Variants in ST8SIA2 observed in about 807,000 individuals in gnomAD.
ST8SIA2 encodes the protein ST8 alpha-N-acetyl-neuraminide alpha-2,8-sialyltransferase 2.
Under a neutral mutation model 37.6 loss-of-function variants are expected in ST8SIA2, and 22 were observed. The ratio of observed to expected loss-of-function variants is 0.58; its 90% CI spans 0.42 to 0.83. The LOEUF (loss-of-function observed/expected upper bound fraction) is 0.83, where lower values mean the gene tolerates loss of function less well. ST8SIA2 is among the 40% of genes least tolerant of loss of function. The probability of loss-of-function intolerance (pLI) is 0.00; values close to 1 mark genes in which losing one functional copy is unlikely to be tolerated. For synonymous variants in ST8SIA2, 205 were observed against 201.2 expected, an observed-to-expected ratio of 1.02 and a Z score of -0.16; for missense variants, 382 against 484.7, an observed-to-expected ratio of 0.79 and a Z score of 1.99.
At chr15:92,445,140 C>T in intron 5 of ST8SIA2, 2 of 685,732 alleles carry the variant, frequency 2.9e-6, no homozygotes, top group Non-Finnish European at 5.0e-6. Flanking sequence ...CAATTTTGAC[C>T]AATGGGTAGT....
At chr15:92,438,671 G>C in intron 4 of ST8SIA2, 61 bp downstream of exon 4, 1 of 1,507,564 alleles carries the variant, frequency 6.6e-7, no homozygotes, top group South Asian at 1.3e-5. Flanking sequence ...TTTCAGTGGA[G>C]CATTGCCAGC....
intron 1 of ST8SIA2, among the ~76,000 whole-genome samples, chr15:92,416,154 T>C (rs1402732736): frequency 2.3e-5 from 3 of 130,630 alleles, no homozygotes; most frequent in African/African-American, 8.8e-5. Context: ...GAGAGATTCA[T>C]GGCAGAGGGA....
At chr15:92,399,771 A>G (rs2049456981) in intron 1 of ST8SIA2, among the ~76,000 whole-genome samples, 1 of 152,246 alleles carries the variant, frequency 6.6e-6, no homozygotes, top group African/African-American at 2.4e-5. Context: ...ATACCATCTT[A>G]GAAACCAATT....
chr15:92,464,087 T>TC lies in ST8SIA2; in HGVS notation c.843-13_843-12insC. 1 of 1,512,454 alleles carries TC rather than the reference T, an allele frequency of 6.6e-7. No homozygotes were observed. The highest frequency in any genetic ancestry group is 8.8e-7 in the Non-Finnish European group (1 of 1,139,268). 93.7% of individuals were successfully genotyped at this position (1,512,454 alleles called of 1,614,324 possible). On this transcript the variant is annotated splice_polypyrimidine_tract_variant and intron_variant, in intron 5 of 5. Transcript: ENST00000268164. ...TGTTTCTTTTCTTTTTTTTTTTTTTTTTTTTTTTCCAGATACTGGCTGACC... is the reference window on the plus strand; with the variant it reads ...TGTTTCTTTTCTTTTTTTTTTTTTTTCTTTTTTTTCCAGATACTGGCTGACC...
At chr15:92,416,508 G>A (rs1247412932) in intron 1 of ST8SIA2, among the ~76,000 whole-genome samples, 1 of 152,142 alleles carries the variant, frequency 6.6e-6, no homozygotes, top group Non-Finnish European at 1.5e-5. Flanking sequence ...GCATCCTGAG[G>A]GGCTGGGAAA....
intron 4 of ST8SIA2, among the ~76,000 whole-genome samples, chr15:92,439,159 G>T (rs79465730): frequency 0.025 from 3,836 of 152,264 alleles, 171 homozygotes; most frequent in African/African-American, 0.085. Context: ...TGGTACAAAA[G>T]GTTGGTAAGA....
At chr15:92,408,710 TTTA>T (rs1375165369) in intron 1 of ST8SIA2, among the ~76,000 whole-genome samples, 3 of 148,988 alleles carry the variant, frequency 2.0e-5, no homozygotes, top group Non-Finnish European at 4.4e-5. Flanking sequence ...TATTTATTTA[TTTA>T]TTTATTTATT....
intron 1 of ST8SIA2, among the ~76,000 whole-genome samples, chr15:92,424,613 A>G (rs1222581828): frequency 6.8e-6 from 1 of 147,304 alleles, no homozygotes; most frequent in African/African-American, 2.5e-5. Flanking sequence ...AAAGTTTGAC[A>G]TTCTTTTTTT....
chr15:92,451,314 C>T (rs374793498), intron 5 of ST8SIA2, among the ~76,000 whole-genome samples: 4 of 152,140 alleles, frequency 2.6e-5, no homozygotes, highest in South Asian at 2.1e-4. Flanking sequence ...TAGAAGACCA[C>T]GGCAGGCAGC....
At chr15:92,449,556 C>T (rs192748240) in intron 5 of ST8SIA2, among the ~76,000 whole-genome samples, 2 of 152,302 alleles carry the variant, frequency 1.3e-5, no homozygotes, top group Admixed American at 1.3e-4. Context: ...AATAGTAGTT[C>T]TACTTTCCTT....
Position 92,438,570 on chromosome 15 carries a change from G to A in ST8SIA2, c.508G>A (p.Gly170Ser), listed in dbSNP as rs745475584. Residue 170 changes from glycine (G) to serine (S), a missense_variant, in exon 4 of 6, where the codon GGC becomes AGC. Gly to Ser is a moderately conservative substitution (Grantham distance 56). Transcript: ENST00000268164. ...CAACTCGGGGGTCTTGCTGAACAGCGGCTGTGGGCAGGAGATTGACGCCCA... is the reference window on the plus strand; with the variant it reads ...CAACTCGGGGGTCTTGCTGAACAGCAGCTGTGGGCAGGAGATTGACGCCCA... ...VGNSGVLLNSGCGQEIDAHSF... is the reference protein window; with the variant it reads ...VGNSGVLLNSSCGQEIDAHSF... 67 of 1,613,104 alleles carry A rather than the reference G, an allele frequency of 4.2e-5. No homozygotes were observed. The highest frequency in any genetic ancestry group is 6.7e-5 in the Admixed American group (4 of 59,954).
chr15:92,415,549 T>G (rs898876456), intron 1 of ST8SIA2, among the ~76,000 whole-genome samples: 2 of 151,184 alleles, frequency 1.3e-5, no homozygotes, highest in African/African-American at 4.9e-5. Flanking sequence ...TGTAGAAAAA[T>G]GTAGCATATA....
chr15:92,425,615 A>G (rs866267531), intron 1 of ST8SIA2, among the ~76,000 whole-genome samples: 1 of 152,210 alleles, frequency 6.6e-6, no homozygotes, highest in East Asian at 1.9e-4. Context: ...ACAAGGAGAT[A>G]CTGGGGTTGG....
At chr15:92,434,585 C>T (rs981963915) in intron 3 of ST8SIA2, among the ~76,000 whole-genome samples, 1 of 152,168 alleles carries the variant, frequency 6.6e-6, no homozygotes, top group Non-Finnish European at 1.5e-5. Context: ...TGGGGCCAGG[C>T]GGTGGCAGGA....
In ST8SIA2 at chr15:92,464,668, G is replaced by A; in HGVS notation, c.*283G>A. The A allele has an allele frequency of 6.6e-6, 3 of 455,324 alleles. No individual in the cohort carries two copies. The highest frequency in any genetic ancestry group is 5.2e-5 in the South Asian group (2 of 38,252). 28.2% of individuals were successfully genotyped at this position (455,324 alleles called of 1,614,324 possible). A position where few individuals can be genotyped will look rare whatever the true frequency, so the allele number is the denominator to read the frequency against. On this transcript the variant is annotated 3_prime_UTR_variant, in exon 6 of 6. Coordinates refer to ENST00000268164, the MANE Select transcript of ST8SIA2 (RefSeq NM_006011.4). ...TGAGACTCAATCCATCTTTGGGGGT[G>A]GAAGGACTTGACATGAAAAGAAGCC...
rs569445038 is a variant in ST8SIA2, at chr15:92,413,648, G to A, written c.99-16401G>A. ...CTTTGTGTGCCAGGGTGCTTGACAC[G>A]TGCATGTGATCTGCCTAGGACAAAA... On this transcript the variant is annotated intron_variant, in intron 1 of 5. Coordinates refer to ENST00000268164, the MANE Select transcript of ST8SIA2 (RefSeq NM_006011.4). 3.9e-5 allele frequency among the ~76,000 whole-genome samples: 6 copies of A among 152,268 alleles called. No individual in the cohort carries two copies. In the South Asian group the frequency reaches 8.3e-4, roughly 21 times the overall value.
Position 92,416,908 on chromosome 15 carries a change from G to A in ST8SIA2, c.99-13141G>A, listed in dbSNP as rs549089593. Among the ~76,000 whole-genome samples, 191 of 152,324 alleles carry A rather than the reference G, an allele frequency of 1.3e-3. 1 individual carries two copies. The highest frequency in any genetic ancestry group is 3.2e-3 in the African/African-American group (133 of 41,588). On this transcript the variant is annotated intron_variant, in intron 1 of 5. Coordinates refer to ENST00000268164, the MANE Select transcript of ST8SIA2 (RefSeq NM_006011.4). ...GGTGCCTGTTCTACCACGCTAGCAC[G>A]CTCCACTTTCTCTCCTCCACTGATT...
intron 1 of ST8SIA2, among the ~76,000 whole-genome samples, chr15:92,420,129 T>C (rs1043379179): frequency 3.3e-5 from 5 of 152,216 alleles, no homozygotes; most frequent in Admixed American, 6.5e-5. Flanking sequence ...CCTCCCAAAG[T>C]GCTGGGATTA....
intron 1 of ST8SIA2, among the ~76,000 whole-genome samples, chr15:92,418,462 CAAAAAAAA>C (rs34061544): frequency 1.0e-5 from 1 of 100,068 alleles, no homozygotes; most frequent in Non-Finnish European, 2.0e-5. Flanking sequence ...GACCCTCCCT[CAAAAAAAA>C]AAAAAAAAAA....
Sources: allele counts gnomAD v4.1 joint callset (sites outside exome capture counted in the v4.1 genomes callset), GRCh38; gene constraint gnomAD v4.1.1; transcripts MANE v1.5; gene names NCBI Gene and HGNC (gene_info 2026-07-23, HGNC 2026-07-21).